Variants in EHBP1 observed in about 807,000 individuals in gnomAD.
EHBP1 encodes EH domain-binding protein 1.
A neutral mutation model predicts 144.0 loss-of-function variants in EHBP1; 55 were observed. The observed-to-expected ratio is 0.38, with a 90% confidence interval of 0.31 to 0.48. EHBP1 has a LOEUF of 0.48. Ranked by LOEUF, EHBP1 falls within the 20% of genes least tolerant of loss-of-function variation. The pLI, the probability that EHBP1 is intolerant of heterozygous loss-of-function variation, is 0.98. For missense variants in EHBP1, 1,200 were observed against 1,364.2 expected (o/e 0.88, Z 1.90); for synonymous variants, 469 against 472.7 (o/e 0.99, Z 0.10).
chr2:62,948,445 T>C lies in EHBP1; in HGVS notation c.1599T>C (p.Val533=), dbSNP rs2057189424. 6.2e-7 allele frequency: 1 copy of C among 1,613,358 alleles called. No individual in the cohort carries two copies. Among genetic ancestry groups the C allele is most frequent in the African/African-American group, 1.3e-5 (1 of 74,858 alleles). ...ACAGCAGTAAAAGCACATATAAAGTTGGAAACTATGAAACAGATACAAACA... is the reference window on the plus strand; with the variant it reads ...ACAGCAGTAAAAGCACATATAAAGTCGGAAACTATGAAACAGATACAAACA... ...EENSSKSTYK[V]GNYETDTNSS... Residue 533 remains valine, a synonymous_variant, in exon 13 of 23, where the codon GTT becomes GTC. Coordinates refer to ENST00000431489, the MANE Select transcript of EHBP1 (RefSeq NM_001142616.3).
chr2:62,994,394 C>A (rs959460630), intron 18 of EHBP1, among the ~76,000 whole-genome samples: 4 of 152,046 alleles, frequency 2.6e-5, no homozygotes, highest in African/African-American at 9.7e-5. Flanking sequence ...TTTCCATTAT[C>A]CAGATCAGCC....
In EHBP1 at chr2:62,957,709, G is replaced by A. The variant is rs190998856; in HGVS notation, c.2460+2049G>A. 7.2e-4 allele frequency among the ~76,000 whole-genome samples: 93 copies of A among 128,366 alleles called. 1 individual carries two copies. In the East Asian group the frequency reaches 0.013, roughly 17 times the overall value. 84.2% of individuals were successfully genotyped at this position (128,366 alleles called of 152,430 possible). On this transcript the variant is annotated intron_variant, in intron 14 of 22. Coordinates refer to ENST00000431489, the MANE Select transcript of EHBP1 (RefSeq NM_001142616.3). ...CACCCAGGCTGGAGCGCAGTGGTGC[G>A]ATCTCGGCTCACTGCAAGCTTCGCC...
In EHBP1 at chr2:62,979,342, T is replaced by TAA; in HGVS notation, c.2608+9_2608+10dup. 1 of 1,612,566 alleles carries TAA rather than the reference T, an allele frequency of 6.2e-7. No individual in the cohort carries two copies. The highest frequency in any genetic ancestry group is 8.5e-7 in the Non-Finnish European group (1 of 1,179,080). ...AGGTCAAAGGCATCTGGAGGTGAGT[T>TAA]AAAGAATCTTCTATCATTCTACAGA... is the stretch of plus-strand genomic sequence containing the variant. On this transcript the variant is annotated splice_region_variant and intron_variant, in intron 15 of 22. Coordinates refer to ENST00000431489, the MANE Select transcript of EHBP1 (RefSeq NM_001142616.3).
chr2:63,001,639 G>A (rs111802803), intron 19 of EHBP1, among the ~76,000 whole-genome samples: 8 of 152,268 alleles, frequency 5.3e-5, no homozygotes, highest in African/African-American at 1.9e-4. Context: ...CTATGAGATA[G>A]GGTCTAGTAA....
At chr2:62,837,746 C>T (rs1359995315) in intron 7 of EHBP1, among the ~76,000 whole-genome samples, 1 of 151,724 alleles carries the variant, frequency 6.6e-6, no homozygotes, top group East Asian at 1.9e-4. Flanking sequence ...ACAAAGAAGG[C>T]CATTACATAA....
intron 5 of EHBP1, among the ~76,000 whole-genome samples, chr2:62,803,664 A>G (rs2044215267): frequency 1.3e-5 from 2 of 152,200 alleles, no homozygotes; most frequent in African/African-American, 2.4e-5. Flanking sequence ...TTTCGTACTT[A>G]TTTATAGATC....
intron 10 of EHBP1, among the ~76,000 whole-genome samples, chr2:62,902,548 A>G (rs1339980091): frequency 6.6e-6 from 1 of 152,206 alleles, no homozygotes; most frequent in Non-Finnish European, 1.5e-5. Flanking sequence ...TTTCAAAAAT[A>G]TGGATGGCTA....
chr2:62,707,148 T>C lies in EHBP1; in HGVS notation c.-44T>C. 1 of 1,482,340 alleles carries C rather than the reference T, an allele frequency of 6.7e-7. No individual in the cohort carries two copies. The highest frequency in any genetic ancestry group is 9.4e-7 in the Non-Finnish European group (1 of 1,060,108). The allele number at this position is 1,482,340 out of a possible 1,614,324, so 91.8% of individuals were successfully genotyped here. A position where few individuals can be genotyped will look rare whatever the true frequency, so the allele number is the denominator to read the frequency against. On this transcript the variant is annotated 5_prime_UTR_variant, in exon 2 of 23. Transcript: ENST00000431489. ...GGACCCTCTGCATTATTAAAGCTGCTGTATTGCTAACCCAGAACTGCTCCA... is the reference window on the plus strand; with the variant it reads ...GGACCCTCTGCATTATTAAAGCTGCCGTATTGCTAACCCAGAACTGCTCCA...
intron 6 of EHBP1, chr2:62,826,630 C>T (rs150309769): frequency 6.5e-4 from 102 of 157,680 alleles, no homozygotes; most frequent in African/African-American, 2.3e-3. Context: ...GAACCCAAAA[C>T]GAAAAGTTTA....
chr2:62,961,253 A>G (rs1430890105), intron 14 of EHBP1, among the ~76,000 whole-genome samples: 2 of 152,228 alleles, frequency 1.3e-5, no homozygotes, highest in Non-Finnish European at 2.9e-5. Context: ...CAGGACTACC[A>G]TTGCATATTT....
chr2:62,707,421 C>T (rs2151800290), intron 2 of EHBP1, 126 bp downstream of exon 2: 2 of 672,854 alleles, frequency 3.0e-6, no homozygotes, highest in South Asian at 1.7e-5. Context: ...CTGGGTGGGG[C>T]GCAGATAACT....
chr2:62,766,189 C>T (rs1374139583), intron 4 of EHBP1, among the ~76,000 whole-genome samples: 1 of 152,104 alleles, frequency 6.6e-6, no homozygotes, highest in Non-Finnish European at 1.5e-5. Flanking sequence ...GAATTTATCT[C>T]ATAAGTTGTA....
intron 2 of EHBP1, among the ~76,000 whole-genome samples, chr2:62,719,333 A>G (rs2035985408): frequency 6.6e-6 from 1 of 152,164 alleles, no homozygotes; most frequent in Non-Finnish European, 1.5e-5. Flanking sequence ...GTACTTCTAG[A>G]CAACATCACT....
chr2:62,801,793 A>G (rs1320277507), intron 5 of EHBP1, among the ~76,000 whole-genome samples: 1 of 152,236 alleles, frequency 6.6e-6, no homozygotes, highest in Middle Eastern at 3.2e-3. Context: ...ACTAGAGACC[A>G]ATTTCACTCA....
intron 5 of EHBP1, among the ~76,000 whole-genome samples, chr2:62,783,783 A>G (rs2042620469): frequency 6.6e-6 from 1 of 152,244 alleles, no homozygotes; most frequent in Non-Finnish European, 1.5e-5. Context: ...GGTCTCTGAC[A>G]TGAACTGGGG....
chr2:62,742,863 A>G (rs2038843315), intron 2 of EHBP1, among the ~76,000 whole-genome samples: 1 of 152,070 alleles, frequency 6.6e-6, no homozygotes, highest in African/African-American at 2.4e-5. Flanking sequence ...TTAATTCCAA[A>G]CTTAAAAGTG....
chr2:63,023,489 C>T (rs1188453214), intron 19 of EHBP1, among the ~76,000 whole-genome samples: 3 of 152,156 alleles, frequency 2.0e-5, no homozygotes, highest in African/African-American at 7.2e-5. Context: ...AAACTAGTGA[C>T]ATTGATACAT....
chr2:62,798,530 C>T (rs545288752), intron 5 of EHBP1, among the ~76,000 whole-genome samples: 2 of 151,996 alleles, frequency 1.3e-5, no homozygotes, highest in Admixed American at 1.3e-4. Flanking sequence ...CTGAGAAAGT[C>T]GATGAACTTG....
intron 5 of EHBP1, among the ~76,000 whole-genome samples, chr2:62,799,803 GA>G (rs930537082): frequency 7.2e-5 from 11 of 152,040 alleles, no homozygotes; most frequent in African/African-American, 2.4e-4. Context: ...AAAGTTCAAG[GA>G]AAAAAAGCGT....
Sources: gnomAD v4.1 joint callset for allele counts (sites outside exome capture counted in the v4.1 genomes callset) on GRCh38, gnomAD v4.1.1 for gene constraint, MANE v1.5 for transcripts, NCBI Gene and HGNC (gene_info 2026-07-23, HGNC 2026-07-21) for gene names.